ZNF140: variants seen among roughly 807,000 people sequenced by gnomAD.
ZNF140 encodes zinc finger protein 140 (clone pHZ-39).
A neutral mutation model predicts 12.9 loss-of-function variants in ZNF140; 13 were observed. That is an observed-to-expected ratio of 1.01 (90% CI 0.66 to 1.60). The LOEUF (loss-of-function observed/expected upper bound fraction) is 1.60. ZNF140 is among the 40% of genes most tolerant of loss of function. The pLI, the probability that ZNF140 is intolerant of heterozygous loss-of-function variation, is 0.00. For missense variants in ZNF140, 531 were observed against 548.8 expected (o/e 0.97, Z 0.32); for synonymous variants, 214 against 186.7 (o/e 1.15, Z -1.19).
Position 133,083,497 on chromosome 12 carries a change from C to G in ZNF140, c.168C>G (p.Ser56=). 1 of 1,613,714 alleles carries G rather than the reference C, an allele frequency of 6.2e-7. No homozygotes were observed. The highest frequency in any genetic ancestry group is 8.5e-7 in the Non-Finnish European group (1 of 1,179,872). ...CCATTTCTAAGCCAGATGTGGTTTC[C>G]TTATTGGAGCAAGGGAAAGAACCCT... is the stretch of plus-strand genomic sequence containing the variant. ...GLSISKPDVV[S]LLEQGKEPWL... Residue 56 remains serine, a synonymous_variant, in exon 4 of 5, where the codon TCC becomes TCG. Coordinates refer to ENST00000355557, the MANE Select transcript of ZNF140 (RefSeq NM_003440.4).
intron 2 of ZNF140, 129 bp downstream of exon 2, chr12:133,081,458 C>T (rs1954500303): frequency 2.2e-6 from 1 of 448,566 alleles, no homozygotes; most frequent in Non-Finnish European, 4.4e-6. Flanking sequence ...TAACCTCAAA[C>T]TCTTGGCCTC....
chr12:133,083,276 G>A lies in ZNF140; in HGVS notation c.136+47G>A, dbSNP rs1593740111. On this transcript the variant is annotated intron_variant, in intron 3 of 4. Coordinates refer to ENST00000355557, the MANE Select transcript of ZNF140 (RefSeq NM_003440.4). ...CCTCAAGGCAAAATTTGACCGTTAG[G>A]GTGGCTGTTATAATTATCTGGCTGA... 5.7e-6 allele frequency: 9 copies of A among 1,583,584 alleles called. No homozygotes were observed. The South Asian group carries it at 9.1e-5, about 16-fold the overall frequency.
chr12:133,104,850 C>G (rs375644338), intron 4 of ZNF140, among the ~76,000 whole-genome samples: 2,258 of 152,254 alleles, frequency 0.015, 49 homozygotes, highest in African/African-American at 0.051. Context: ...GTTACATGAG[C>G]AAATTGTGTG....
At chr12:133,081,352 T>TATATATATATATATAC (rs1384939125) in intron 2 of ZNF140, 23 bp downstream of exon 2, 10 of 246,170 alleles carry the variant, frequency 4.1e-5, no homozygotes, top group Admixed American at 3.5e-4. Flanking sequence ...TTGATAAATA[T>TATATATATATATATAC]ATATATATAT....
intron 2 of ZNF140, 135 bp downstream of exon 2, chr12:133,081,464 G>A: frequency 2.2e-6 from 1 of 450,174 alleles, no homozygotes; most frequent in Middle Eastern, 3.6e-4. Flanking sequence ...CAAACTCTTG[G>A]CCTCAAGTGA....
At chr12:133,102,533 C>G (rs1955382323) in intron 4 of ZNF140, among the ~76,000 whole-genome samples, 1 of 151,982 alleles carries the variant, frequency 6.6e-6, no homozygotes, top group South Asian at 2.1e-4. Flanking sequence ...TGAGACCATC[C>G]TGGGCAACAC....
chr12:133,100,497 C>T (rs996814519), intron 4 of ZNF140, among the ~76,000 whole-genome samples: 36 of 152,256 alleles, frequency 2.4e-4, no homozygotes, highest in African/African-American at 6.5e-4. Flanking sequence ...TAACTAAGCA[C>T]TTATGCACTT....
At chr12:133,096,154 A>G (rs1218496384) in intron 4 of ZNF140, among the ~76,000 whole-genome samples, 4 of 148,766 alleles carry the variant, frequency 2.7e-5, no homozygotes, top group African/African-American at 7.4e-5. Flanking sequence ...CCAAGGGCAG[A>G]GGTCCCTGTG....
intron 4 of ZNF140, among the ~76,000 whole-genome samples, chr12:133,097,602 C>T (rs1955174564): frequency 6.6e-6 from 1 of 151,418 alleles, no homozygotes; most frequent in Admixed American, 6.6e-5. Flanking sequence ...GAGATCACAC[C>T]ACTGCACTCC....
At chr12:133,080,425 A>T (rs1954425856), upstream of ZNF140, 1 of 152,304 alleles carries the variant, frequency 6.6e-6, no homozygotes, top group East Asian at 1.9e-4. Flanking sequence ...GGGGAAAGCC[A>T]TATGCTCTCT....
intron 4 of ZNF140, among the ~76,000 whole-genome samples, chr12:133,104,731 G>A (rs372322140): frequency 0.011 from 1,608 of 152,224 alleles, 13 homozygotes; most frequent in African/African-American, 0.033. Flanking sequence ...GAAGTCCCTC[G>A]TTAAAATTCA....
chr12:133,106,012 T>G lies in ZNF140; in HGVS notation c.735T>G (p.Tyr245Ter), dbSNP rs761808360. The G allele has an allele frequency of 6.2e-7, 1 of 1,614,052 alleles. No individual in the cohort carries two copies. Among genetic ancestry groups the G allele is most frequent in the Non-Finnish European group, 8.5e-7 (1 of 1,180,054 alleles). Reference sequence around the variant, plus strand: ...GAACGCACACTGGGGAGAAACCTTATGAATGTACTGAGTGTGGAAAGGCCT... The same window carrying G: ...GAACGCACACTGGGGAGAAACCTTAGGAATGTACTGAGTGTGGAAAGGCCT... ...HQRTHTGEKPYECTECGKAFS... is the reference protein window; with the variant it reads ...HQRTHTGEKP Residue 245 changes from tyrosine to a stop codon, truncating the protein, a stop_gained, in exon 5 of 5, where the codon TAT becomes TAG. Coordinates refer to ENST00000355557, the MANE Select transcript of ZNF140 (RefSeq NM_003440.4). LOFTEE classifies it low-confidence loss of function (END_TRUNC).
At chr12:133,096,454 C>A (rs904403931) in intron 4 of ZNF140, among the ~76,000 whole-genome samples, 5 of 152,166 alleles carry the variant, frequency 3.3e-5, no homozygotes, top group African/African-American at 1.2e-4. Context: ...CAGTGACAGT[C>A]TGATCTCCCT....
chr12:133,105,742 T>C lies in ZNF140; in HGVS notation c.465T>C (p.Ser155=), dbSNP rs1399702744. 1 of 1,614,026 alleles carries C rather than the reference T, an allele frequency of 6.2e-7. No individual in the cohort carries two copies. Among genetic ancestry groups the C allele is most frequent in the East Asian group, 2.2e-5 (1 of 44,892 alleles). ...CCCTGGCTCAACATATGAATATCAGTACTGTGGAGAGGCCCTATGGATGCC... is the reference window on the plus strand; with the variant it reads ...CCCTGGCTCAACATATGAATATCAGCACTGTGGAGAGGCCCTATGGATGCC... ...QEALAQHMNI[S]TVERPYGCHE... is the part of the protein sequence containing the mutation. Residue 155 remains serine, a synonymous_variant, in exon 5 of 5, where the codon AGT becomes AGC. Transcript: ENST00000355557.
At chr12:133,087,300 G>GC (rs1954706290) in intron 4 of ZNF140, among the ~76,000 whole-genome samples, 1 of 149,860 alleles carries the variant, frequency 6.7e-6, no homozygotes, top group Non-Finnish European at 1.5e-5. Flanking sequence ...TGTTTCCTTA[G>GC]TTAAAAAAAA....
At chr12:133,102,107 C>T (rs1353786054) in intron 4 of ZNF140, among the ~76,000 whole-genome samples, 2 of 152,088 alleles carry the variant, frequency 1.3e-5, no homozygotes, top group Non-Finnish European at 2.9e-5. Context: ...CATGGTAAGC[C>T]TGTGCTTCTG....
At chr12:133,100,798 G>A (rs1432928044) in intron 4 of ZNF140, among the ~76,000 whole-genome samples, 15 of 152,060 alleles carry the variant, frequency 9.9e-5, no homozygotes, top group Admixed American at 2.6e-4. Flanking sequence ...ACTGCATCAG[G>A]TGATCTGACA....
chr12:133,100,704 A>T (rs1955315049), intron 4 of ZNF140, among the ~76,000 whole-genome samples: 2 of 152,206 alleles, frequency 1.3e-5, no homozygotes, highest in Admixed American at 6.5e-5. Context: ...TTTTTGGCAT[A>T]TCTGAATTGT....
At chr12:133,103,390 C>T (rs984884810) in intron 4 of ZNF140, among the ~76,000 whole-genome samples, 1 of 151,814 alleles carries the variant, frequency 6.6e-6, no homozygotes, top group African/African-American at 2.4e-5. Flanking sequence ...TGTCAAGTAG[C>T]TAGAAGTACA....
Sources: gnomAD v4.1 joint callset for allele counts (sites outside exome capture counted in the v4.1 genomes callset) on GRCh38, gnomAD v4.1.1 for gene constraint, MANE v1.5 for transcripts, NCBI Gene and HGNC (gene_info 2026-07-23, HGNC 2026-07-21) for gene names.